MTDH: variants seen among roughly 807,000 people sequenced by gnomAD.
MTDH encodes the protein protein LYRIC.
MTDH carries 34 observed loss-of-function variants against 72.7 expected under a neutral mutation model. That is an observed-to-expected ratio of 0.47 (90% CI 0.36 to 0.62). MTDH has a LOEUF of 0.62. Among genes scored for constraint, MTDH ranks in the 20% least tolerant of loss-of-function variants. MTDH has a pLI of 0.00. For synonymous variants in MTDH, 266 were observed against 268.9 expected, an observed-to-expected ratio of 0.99 and a Z score of 0.10; for missense variants, 677 against 699.4, an observed-to-expected ratio of 0.97 and a Z score of 0.36.
chr8:97,683,406 G>GT (rs1188560078), intron 2 of MTDH, among the ~76,000 whole-genome samples: 2 of 151,232 alleles, frequency 1.3e-5, no homozygotes, highest in African/African-American at 4.9e-5. Flanking sequence ...GTTTTTTGGA[G>GT]TTTTTTTGAG....
Position 97,724,806 on chromosome 8 carries a change from A to G in MTDH, c.*136A>G, listed in dbSNP as rs1380368301. The G allele has an allele frequency of 5.3e-6, 3 of 566,068 alleles. No individual in the cohort carries two copies. Among genetic ancestry groups the G allele is most frequent in the Non-Finnish European group, 5.8e-6 (2 of 341,898 alleles). The allele number at this position is 566,068 out of a possible 1,614,324, so 35.1% of individuals were successfully genotyped here. A position where few individuals can be genotyped will look rare whatever the true frequency, so the allele number is the denominator to read the frequency against. On this transcript the variant is annotated 3_prime_UTR_variant, in exon 12 of 12. Transcript: ENST00000336273. ...TTTTTAAAACAAAACTGCGGACACC[A>G]CCATAAAAATGGAATCAAAAGAAAG... is the stretch of plus-strand genomic sequence containing the variant.
chr8:97,645,072 A>G (rs1048909123), intron 1 of MTDH, among the ~76,000 whole-genome samples, 185 bp downstream of exon 1: 74 of 152,192 alleles, frequency 4.9e-4, no homozygotes, highest in Non-Finnish European at 5.9e-4. Flanking sequence ...GGGGGAACTC[A>G]GGAAGTATAG....
At chr8:97,723,083 T>G in intron 11 of MTDH, 48 bp downstream of exon 11, 1 of 1,578,112 alleles carries the variant, frequency 6.3e-7, no homozygotes, top group Non-Finnish European at 8.6e-7. Flanking sequence ...ACATTTTTCA[T>G]GTGTTAAGGT....
intron 6 of MTDH, among the ~76,000 whole-genome samples, chr8:97,697,128 A>AAAAAAAAAAAAAAAAAAT (rs1563554021): frequency 3.1e-5 from 3 of 98,346 alleles, no homozygotes; most frequent in African/African-American, 2.0e-4. Flanking sequence ...ACAAAAAAAA[A>AAAAAAAAAAAAAAAAAAT]AATATATATA....
intron 2 of MTDH, among the ~76,000 whole-genome samples, chr8:97,663,886 C>T (rs1812273224): frequency 6.6e-6 from 1 of 151,910 alleles, no homozygotes; most frequent in Non-Finnish European, 1.5e-5. Context: ...CTTATGTTAC[C>T]TGAGCTATTG....
intron 10 of MTDH, among the ~76,000 whole-genome samples, chr8:97,719,492 C>CAAAAAAAAA (rs11383714): frequency 1.3e-5 from 1 of 79,932 alleles, no homozygotes; most frequent in Non-Finnish European, 2.9e-5. Context: ...GACACTGTCT[C>CAAAAAAAAA]AAAAAAAAAA....
intron 1 of MTDH, among the ~76,000 whole-genome samples, chr8:97,660,004 C>G (rs1586209370): frequency 1.3e-5 from 2 of 151,962 alleles, no homozygotes; most frequent in Non-Finnish European, 2.9e-5. Flanking sequence ...ACTAAAAATA[C>G]AAAAATTAGC....
chr8:97,721,860 C>T, intron 10 of MTDH, among the ~76,000 whole-genome samples: 1 of 152,190 alleles, frequency 6.6e-6, no homozygotes, highest in African/African-American at 2.4e-5. Context: ...CTGGATAAAA[C>T]ACTGAAAATT....
At chr8:97,685,837 G>C (rs553001449) in intron 2 of MTDH, among the ~76,000 whole-genome samples, 1 of 151,776 alleles carries the variant, frequency 6.6e-6, no homozygotes, top group Non-Finnish European at 1.5e-5. Context: ...TGAATACAAA[G>C]TATAAAAATA....
At chr8:97,697,150 A>ATATATATTTTTTTTTTTTTTTTTTTT in intron 6 of MTDH, among the ~76,000 whole-genome samples, 1 of 68,836 alleles carries the variant, frequency 1.5e-5, no homozygotes, top group African/African-American at 9.1e-5. Context: ...ATATATATAT[A>ATATATATTTTTTTTTTTTTTTTTTTT]TTTTTTTTTT....
rs1187693731 is a variant in MTDH, at chr8:97,706,749, A to G, written c.1271A>G (p.Lys424Arg). ...KSQEPIPDDQ[K>R]VSDDDKEKGE... ...CAGGAACCAATTCCTGATGATCAAA[A>G]GGTGAGTATAAGAGATTCCTGGGTG... The change falls in exon 8 of 12, where the codon AAG (lysine) becomes AGG (arginine). Residue 424 changes from lysine (K) to arginine (R), a missense_variant and splice_region_variant. By Grantham distance (26) the Lys-to-Arg change is conservative (BLOSUM62 2). Transcript: ENST00000336273. The G allele has an allele frequency of 6.2e-7, 1 of 1,612,846 alleles. No individual in the cohort carries two copies. Among genetic ancestry groups the G allele is most frequent in the East Asian group, 2.2e-5 (1 of 44,838 alleles).
chr8:97,661,334 G>C (rs1812165886), intron 2 of MTDH, among the ~76,000 whole-genome samples, 161 bp downstream of exon 2: 1 of 152,120 alleles, frequency 6.6e-6, no homozygotes, highest in South Asian at 2.1e-4. Context: ...AAGTTTAACT[G>C]AGTTGTTTTT....
chr8:97,666,740 C>G (rs1423641468), intron 2 of MTDH, among the ~76,000 whole-genome samples: 2 of 152,176 alleles, frequency 1.3e-5, no homozygotes, highest in Non-Finnish European at 2.9e-5. Context: ...CTCTGTCGCC[C>G]AGGGTGGAGT....
chr8:97,681,484 A>ATTTT (rs1197300167), intron 2 of MTDH, among the ~76,000 whole-genome samples: 1 of 134,346 alleles, frequency 7.4e-6, no homozygotes, highest in African/African-American at 2.9e-5. Context: ...GAAGATAAGA[A>ATTTT]TTTTTTCTTT....
chr8:97,664,392 TG>T (rs1812297050), intron 2 of MTDH, among the ~76,000 whole-genome samples: 1 of 152,076 alleles, frequency 6.6e-6, no homozygotes, highest in Non-Finnish European at 1.5e-5. Context: ...TGGACTAGGA[TG>T]TGAACGCAGC....
intron 2 of MTDH, among the ~76,000 whole-genome samples, chr8:97,683,176 T>A (rs988351497): frequency 6.9e-6 from 1 of 145,574 alleles, no homozygotes; most frequent in African/African-American, 2.6e-5. Context: ...GCGATTCTAC[T>A]GCCTCAGCCT....
intron 10 of MTDH, among the ~76,000 whole-genome samples, chr8:97,722,042 T>C (rs945887743): frequency 5.9e-5 from 9 of 152,146 alleles, no homozygotes; most frequent in African/African-American, 1.9e-4. Context: ...CTTCTGTTTT[T>C]CACAAAAATT....
chr8:97,675,958 T>C (rs1022678937), intron 2 of MTDH, among the ~76,000 whole-genome samples: 18 of 137,996 alleles, frequency 1.3e-4, no homozygotes, highest in African/African-American at 4.9e-4. Context: ...TTTTTTTTTC[T>C]GAGATAGGGT....
rs1190259622 is a variant in MTDH at position 97,728,305 on chromosome 8, C to CT, written c.*3638dup. ...GTTACAGTTCTCTTGTGGGGAGGGACTTTGTCAGTCATTTTGCATCTTAAG... is the reference window on the plus strand; with the variant it reads ...GTTACAGTTCTCTTGTGGGGAGGGACTTTTGTCAGTCATTTTGCATCTTAAG... On this transcript the variant is annotated 3_prime_UTR_variant, in exon 12 of 12. Coordinates refer to ENST00000336273, the MANE Select transcript of MTDH (RefSeq NM_178812.4). The CT allele has an allele frequency of 6.6e-6, 1 of 152,126 alleles. No homozygotes were observed. The highest frequency in any genetic ancestry group is 1.5e-5 in the Non-Finnish European group (1 of 68,024). The allele number at this position is 152,126 out of a possible 1,614,324, so 9.4% of individuals were successfully genotyped here.
Sources: gnomAD v4.1 joint callset for allele counts (sites outside exome capture counted in the v4.1 genomes callset) on GRCh38, gnomAD v4.1.1 for gene constraint, MANE v1.5 for transcripts, NCBI Gene and HGNC (gene_info 2026-07-23, HGNC 2026-07-21) for gene names.